Variants in GRID1 observed in about 807,000 individuals in gnomAD.
GRID1 encodes the protein glutamate receptor ionotropic, delta-1.
Under a neutral mutation model 98.0 loss-of-function variants are expected in GRID1, and 28 were observed. The observed-to-expected ratio is 0.29, with a 90% CI of 0.21 to 0.39. The LOEUF is 0.39. Among genes scored for constraint, GRID1 ranks in the 10% least tolerant of loss-of-function variants. GRID1 has a pLI of 1.00. For synonymous variants in GRID1, 553 were observed against 538.5 expected (o/e 1.03, Z -0.37); for missense variants, 1,111 against 1,340.5 (o/e 0.83, Z 2.67).
At chr10:86,055,002 A>C (rs1226867380) in intron 4 of GRID1, among the ~76,000 whole-genome samples, 2 of 152,188 alleles carry the variant, frequency 1.3e-5, no homozygotes, top group Admixed American at 1.3e-4. Flanking sequence ...TTTCCATGAG[A>C]ATGAGCCTGG....
At chr10:86,355,133 C>T (rs1396421298) in intron 2 of GRID1, among the ~76,000 whole-genome samples, 1 of 152,254 alleles carries the variant, frequency 6.6e-6, no homozygotes. Context: ...TATTCTAGTG[C>T]ATTTCCTCAA....
Position 86,223,660 on chromosome 10 carries a change from T to C in GRID1, c.236-17012A>G, listed in dbSNP as rs1846294604. ...CAACAAGGGCAGCTCAGCTCAGGCT[T>C]TGAGGCAGGGGCACTCCCTCCCTCA... On this transcript the variant is annotated intron_variant, in intron 2 of 15. Coordinates refer to ENST00000327946, the MANE Select transcript of GRID1 (RefSeq NM_017551.3). Among the ~76,000 whole-genome samples, 4 of 152,236 alleles carry C rather than the reference T, an allele frequency of 2.6e-5. No homozygotes were observed. The South Asian group carries it at 8.3e-4, about 31-fold the overall frequency.
chr10:85,604,434 T>C (rs1474712123), intron 15 of GRID1, among the ~76,000 whole-genome samples: 1 of 152,082 alleles, frequency 6.6e-6, no homozygotes. Context: ...TCAGAAACCA[T>C]TGGCACAGCC....
chr10:86,333,008 C>T (rs1342474456), intron 2 of GRID1, among the ~76,000 whole-genome samples: 2 of 152,218 alleles, frequency 1.3e-5, no homozygotes, highest in Admixed American at 6.5e-5. Context: ...TCACCCCCAG[C>T]TTCAAATCCT....
intron 2 of GRID1, among the ~76,000 whole-genome samples, chr10:86,336,605 C>T (rs943326255): frequency 3.9e-5 from 6 of 152,250 alleles, no homozygotes; most frequent in African/African-American, 9.6e-5. Flanking sequence ...GTGCCTGGAA[C>T]CCCGTGGTGT....
rs770693495 is a variant in GRID1, at chr10:85,821,539, A to AAAAAAAAAAAAAAAAAAAGCAAACAAAC, written c.1233+32956_1233+32957insGTTTGTTTGCTTTTTTTTTTTTTTTTTT. ...CTCAAAAAAAAAAAAAAAAAAAAAA[A>AAAAAAAAAAAAAAAAAAAGCAAACAAAC]AAAAAAGAAAACAGATCAATAGTTG... On this transcript the variant is annotated intron_variant, in intron 8 of 15. Transcript: ENST00000327946. Among the ~76,000 whole-genome samples the AAAAAAAAAAAAAAAAAAAGCAAACAAAC allele has an allele frequency of 1.4e-4, 14 of 97,592 alleles. 1 individual carries two copies. The highest frequency in any genetic ancestry group is 2.6e-4 in the Non-Finnish European group (12 of 45,688). 64.0% of individuals were successfully genotyped at this position (97,592 alleles called of 152,430 possible).
At chr10:86,084,075 T>C (rs1316748461) in intron 4 of GRID1, among the ~76,000 whole-genome samples, 1 of 152,192 alleles carries the variant, frequency 6.6e-6, no homozygotes, top group African/African-American at 2.4e-5. Context: ...GGCCCTGGCA[T>C]GGCAGGAAGG....
intron 8 of GRID1, among the ~76,000 whole-genome samples, chr10:85,739,432 A>T (rs1053373070): frequency 1.3e-5 from 2 of 152,030 alleles, no homozygotes; most frequent in African/African-American, 4.8e-5. Context: ...AACAAATAAA[A>T]AAAACAGCCA....
chr10:85,684,302 G>A (rs1472434918), intron 12 of GRID1, among the ~76,000 whole-genome samples: 1 of 152,074 alleles, frequency 6.6e-6, no homozygotes, highest in Non-Finnish European at 1.5e-5. Context: ...TGATAAAGGT[G>A]ATAAAAGAAT....
intron 12 of GRID1, among the ~76,000 whole-genome samples, chr10:85,697,970 A>G (rs1043334873): frequency 1.7e-4 from 26 of 152,188 alleles, no homozygotes; most frequent in Non-Finnish European, 1.0e-4. Flanking sequence ...CTAACTTGCA[A>G]AGAGTCATTC....
At chr10:85,856,713 G>A (rs112048395) in intron 6 of GRID1, among the ~76,000 whole-genome samples, 11,335 of 152,286 alleles carry the variant, frequency 0.074, 492 homozygotes, top group Middle Eastern at 0.14. Flanking sequence ...CTTGAAAGCA[G>A]CCATAGACAA....
In GRID1 at chr10:85,631,473, T is replaced by C. The variant is rs539187637; in HGVS notation, c.2194-11440A>G. ...CTCCAGCACTTTGGGGAGGAATAGT[T>C]TTGTTTATTGAGCAAAAAATTGTCC... On this transcript the variant is annotated intron_variant, in intron 13 of 15. Coordinates refer to ENST00000327946, the MANE Select transcript of GRID1 (RefSeq NM_017551.3). Among the ~76,000 whole-genome samples, 10 of 152,360 alleles carry C rather than the reference T, an allele frequency of 6.6e-5. No individual in the cohort carries two copies. In the South Asian group the frequency reaches 2.1e-3, roughly 32 times the overall value.
intron 3 of GRID1, among the ~76,000 whole-genome samples, chr10:86,203,984 G>A (rs1445062274): frequency 6.6e-6 from 1 of 152,166 alleles, no homozygotes; most frequent in Non-Finnish European, 1.5e-5. Context: ...CGACTTTATG[G>A]AATTACTGAT....
intron 13 of GRID1, among the ~76,000 whole-genome samples, chr10:85,641,650 C>T (rs138481882): frequency 7.3e-4 from 111 of 152,358 alleles, no homozygotes; most frequent in African/African-American, 2.5e-3. Flanking sequence ...CCAGTTTCTA[C>T]ATCTTGGAGA....
intron 3 of GRID1, among the ~76,000 whole-genome samples, chr10:86,177,857 T>A (rs1315523814): frequency 6.6e-6 from 1 of 151,260 alleles, no homozygotes; most frequent in East Asian, 1.9e-4. Flanking sequence ...CTTCAGTGTA[T>A]GTGTGTGTGT....
At chr10:86,214,085 A>C (rs943547599) in intron 2 of GRID1, among the ~76,000 whole-genome samples, 2 of 152,164 alleles carry the variant, frequency 1.3e-5, no homozygotes, top group African/African-American at 4.8e-5. Flanking sequence ...CACACTGTCC[A>C]TTCTACACAC....
intron 4 of GRID1, among the ~76,000 whole-genome samples, chr10:86,128,496 CCT>C (rs1564683679): frequency 6.6e-6 from 1 of 152,190 alleles, no homozygotes; most frequent in African/African-American, 2.4e-5. Flanking sequence ...TTGCTTTCCC[CCT>C]GACACTGCTC....
intron 6 of GRID1, among the ~76,000 whole-genome samples, chr10:85,864,379 A>G (rs1049288872): frequency 2.6e-5 from 4 of 152,220 alleles, no homozygotes; most frequent in African/African-American, 9.6e-5. Context: ...ATCTGAGGCG[A>G]CGGTGTGAAA....
At chr10:86,225,349 G>A (rs778017039) in intron 2 of GRID1, among the ~76,000 whole-genome samples, 1 of 152,190 alleles carries the variant, frequency 6.6e-6, no homozygotes, top group Non-Finnish European at 1.5e-5. Flanking sequence ...TGCCTTAAAT[G>A]GTTGAGTGTT....
Sources: gnomAD v4.1 joint callset for allele counts (sites outside exome capture counted in the v4.1 genomes callset) on GRCh38, gnomAD v4.1.1 for gene constraint, MANE v1.5 for transcripts, NCBI Gene and HGNC (gene_info 2026-07-23, HGNC 2026-07-21) for gene names.